The following KLHL1 variants were observed in gnomAD, a reference collection of about 807,000 sequenced individuals.
KLHL1 encodes kelch like family member 1, also known as kelch-like protein 1.
KLHL1 carries 47 observed loss-of-function variants against 77.7 expected under a neutral mutation model. The observed-to-expected ratio is 0.60, with a 90% CI of 0.48 to 0.77. KLHL1 has a LOEUF of 0.77. Among genes scored for constraint, KLHL1 ranks in the 30% least tolerant of loss-of-function variants. KLHL1 has a pLI of 0.00. For synonymous variants in KLHL1, 360 were observed against 325.2 expected (o/e 1.11, Z -1.15); for missense variants, 925 against 910.8 (o/e 1.02, Z -0.20).
At chr13:69,780,757 TACAC>T (rs369748220) in intron 7 of KLHL1, among the ~76,000 whole-genome samples, 5 of 128,116 alleles carry the variant, frequency 3.9e-5, no homozygotes, top group Admixed American at 8.2e-5. Flanking sequence ...TATATATATA[TACAC>T]ACACATTTAT....
chr13:69,775,521 AGAACTGTTTTCTATTAG>A (rs1384146475), intron 7 of KLHL1, among the ~76,000 whole-genome samples: 4 of 152,196 alleles, frequency 2.6e-5, no homozygotes, highest in Admixed American at 6.5e-5. Context: ...ACAAAAAACA[AGAACTGTTTTCTATTAG>A]GGCTTACATT....
chr13:69,721,723 A>G (rs1873074167), intron 8 of KLHL1, among the ~76,000 whole-genome samples: 1 of 152,072 alleles, frequency 6.6e-6, no homozygotes, highest in Non-Finnish European at 1.5e-5. Flanking sequence ...AAAGCTGTTT[A>G]TGTTTCTCAT....
intron 6 of KLHL1, among the ~76,000 whole-genome samples, chr13:69,832,371 A>G (rs1353690870): frequency 6.7e-6 from 1 of 149,850 alleles, no homozygotes; most frequent in African/African-American, 2.5e-5. Flanking sequence ...AAATAATATA[A>G]TATATTCAGG....
At chr13:70,081,015 T>G (rs575340675) in intron 1 of KLHL1, among the ~76,000 whole-genome samples, 11 of 152,334 alleles carry the variant, frequency 7.2e-5, no homozygotes, top group African/African-American at 2.6e-4. Flanking sequence ...GCAAAGTGCA[T>G]ATCATAAAAA....
intron 1 of KLHL1, among the ~76,000 whole-genome samples, chr13:70,011,883 G>T (rs1885541365): frequency 6.6e-6 from 1 of 152,188 alleles, no homozygotes; most frequent in Admixed American, 6.6e-5. Context: ...AAAGAAAGAT[G>T]TTTAATGGAC....
intron 7 of KLHL1, among the ~76,000 whole-genome samples, chr13:69,772,314 G>T (rs1357519520): frequency 6.6e-6 from 1 of 151,812 alleles, no homozygotes; most frequent in East Asian, 1.9e-4. Context: ...AAACCAAAAA[G>T]AAATTGTCCT....
intron 5 of KLHL1, among the ~76,000 whole-genome samples, chr13:69,859,668 T>C (rs1245685756): frequency 1.3e-5 from 2 of 152,118 alleles, no homozygotes; most frequent in Non-Finnish European, 2.9e-5. Context: ...ATTGACACTT[T>C]AGTGCCCTCA....
At chr13:69,772,324 T>C (rs1303325024) in intron 7 of KLHL1, among the ~76,000 whole-genome samples, 1 of 152,024 alleles carries the variant, frequency 6.6e-6, no homozygotes, top group Non-Finnish European at 1.5e-5. Flanking sequence ...GAAATTGTCC[T>C]AGAATAAAAA....
At chr13:69,725,249 T>C (rs1873244151) in intron 8 of KLHL1, among the ~76,000 whole-genome samples, 2 of 152,166 alleles carry the variant, frequency 1.3e-5, no homozygotes, top group Admixed American at 1.3e-4. Flanking sequence ...GTAATTATTG[T>C]TTGGAAAATA....
intron 10 of KLHL1, among the ~76,000 whole-genome samples, chr13:69,706,503 TAA>T (rs1875634714): frequency 6.6e-6 from 1 of 151,972 alleles, no homozygotes; most frequent in South Asian, 2.1e-4. Flanking sequence ...AAATGTACTT[TAA>T]TCAGGTGTTC....
At chr13:69,728,613 G>T (rs575961554) in intron 8 of KLHL1, among the ~76,000 whole-genome samples, 5 of 149,000 alleles carry the variant, frequency 3.4e-5, no homozygotes, top group Admixed American at 3.3e-4. Context: ...GACCAACCTG[G>T]CCAACATGGT....
chr13:69,703,449 TAA>T (rs200111252), intron 10 of KLHL1, among the ~76,000 whole-genome samples: 1 of 147,390 alleles, frequency 6.8e-6, no homozygotes, highest in Admixed American at 6.8e-5. Flanking sequence ...GTTTAAAAAG[TAA>T]AAAAAAAAAT....
At chr13:69,848,994 TA>T (rs752731372) in intron 5 of KLHL1, among the ~76,000 whole-genome samples, 1 of 151,622 alleles carries the variant, frequency 6.6e-6, no homozygotes, top group African/African-American at 2.4e-5. Flanking sequence ...TCAGAATTTC[TA>T]AAAGTAAAAT....
chr13:69,925,584 G>T lies in KLHL1; in HGVS notation c.1014+14456C>A, dbSNP rs1593955314. On this transcript the variant is annotated intron_variant, in intron 4 of 10. Transcript: ENST00000377844. ...ATTATTTAATTTACTAGAAGAATAT[G>T]ACTTTGTATGATTCACCATATCTAT... Among the ~76,000 whole-genome samples, 5 of 152,142 alleles carry T rather than the reference G, an allele frequency of 3.3e-5. No individual in the cohort carries two copies. In the South Asian group the frequency reaches 1.0e-3, roughly 32 times the overall value.
chr13:69,782,027 C>G (rs1408577894), intron 7 of KLHL1, among the ~76,000 whole-genome samples: 2 of 152,132 alleles, frequency 1.3e-5, no homozygotes, highest in African/African-American at 2.4e-5. Context: ...TTACAATTTT[C>G]TTTTCTCTCT....
chr13:69,822,197 C>CAAAA (rs35346749), intron 6 of KLHL1, among the ~76,000 whole-genome samples: 822 of 78,358 alleles, frequency 0.01, 10 homozygotes, highest in African/African-American at 0.036. Context: ...GACTCCATCT[C>CAAAA]AAAAAAAAAA....
chr13:69,982,482 A>T (rs924427227), intron 1 of KLHL1, among the ~76,000 whole-genome samples: 11 of 136,528 alleles, frequency 8.1e-5, no homozygotes, highest in Non-Finnish European at 1.6e-4. Context: ...ATAATAATAA[A>T]ATAAAAAGCA....
At chr13:69,929,450 A>C (rs1052967661) in intron 4 of KLHL1, among the ~76,000 whole-genome samples, 1 of 151,920 alleles carries the variant, frequency 6.6e-6, no homozygotes, top group Non-Finnish European at 1.5e-5. Flanking sequence ...GGGTAAAATT[A>C]AAAGGGGTAG....
chr13:69,848,949 T>G (rs1401310497), intron 5 of KLHL1, among the ~76,000 whole-genome samples: 1 of 151,602 alleles, frequency 6.6e-6, no homozygotes, highest in East Asian at 1.9e-4. Flanking sequence ...CTTTTATTTA[T>G]TTAACATGGG....
Sources: gnomAD v4.1 joint callset for allele counts (sites outside exome capture counted in the v4.1 genomes callset) on GRCh38, gnomAD v4.1.1 for gene constraint, MANE v1.5 for transcripts, NCBI Gene and HGNC (gene_info 2026-07-23, HGNC 2026-07-21) for gene names.